The following BICRAL variants were observed in gnomAD, a reference collection of about 807,000 sequenced individuals.
BICRAL encodes the protein BICRA like chromatin remodeling complex associated protein, also known as BRD4-interacting chromatin-remodeling complex-associated protein-like.
A neutral mutation model predicts 91.8 loss-of-function variants in BICRAL; 8 were observed. That is an observed-to-expected ratio of 0.09 (90% confidence interval 0.05 to 0.16). The LOEUF (loss-of-function observed/expected upper bound fraction) is 0.16, where lower values mean the gene tolerates loss of function less well. Ranked by LOEUF, BICRAL falls within the 10% of genes least tolerant of loss-of-function variation. BICRAL has a pLI of 1.00. For synonymous variants in BICRAL, 445 were observed against 491.1 expected (o/e 0.91, Z 1.24); for missense variants, 1,038 against 1,310.9 (o/e 0.79, Z 3.21).
At chr6:42,754,599 G>A (rs1332054441) in intron 1 of BICRAL, among the ~76,000 whole-genome samples, 6 of 152,208 alleles carry the variant, frequency 3.9e-5, no homozygotes. Flanking sequence ...CATTTAAAAT[G>A]TGCTGATCAA....
rs577555432 is a variant in BICRAL at position 42,775,230 on chromosome 6, C to T, written c.-260-6609C>T. 2.0e-5 allele frequency among the ~76,000 whole-genome samples: 3 copies of T among 152,298 alleles called. No homozygotes were observed. The South Asian group carries it at 6.2e-4, about 32-fold the overall frequency. The stretch of plus-strand genomic sequence containing the variant: ...GATCACAGGCGTGAGCCACTGCGCC[C>T]GGCCAGAGTAGTTCCTTCTTCAGAT... On this transcript the variant is annotated intron_variant, in intron 1 of 14. Coordinates refer to the BICRAL transcript ENST00000614467.
At chr6:42,797,831 C>T (rs964146088) in intron 1 of BICRAL, among the ~76,000 whole-genome samples, 18 of 152,168 alleles carry the variant, frequency 1.2e-4, no homozygotes, top group Middle Eastern at 3.4e-3. Context: ...CAAAAATTAG[C>T]CGGGCATGGT....
chr6:42,796,967 C>T (rs1763429544), intron 1 of BICRAL, among the ~76,000 whole-genome samples: 1 of 151,120 alleles, frequency 6.6e-6, no homozygotes, highest in Non-Finnish European at 1.5e-5. Flanking sequence ...ATCACTTGAA[C>T]CCGGGAGGCA....
chr6:42,835,699 C>T (rs1266853424), intron 6 of BICRAL, among the ~76,000 whole-genome samples: 2 of 152,104 alleles, frequency 1.3e-5, no homozygotes, highest in Non-Finnish European at 1.5e-5. Flanking sequence ...TCCCAGCAAG[C>T]GAAGGGGGCA....
At position 42,828,983 on chromosome 6, in the gene BICRAL, G is replaced by C. The variant is rs1322808687; in HGVS notation, c.650G>C (p.Gly217Ala). ...ISGSGQIQLI[G>A]SFGNHPSMMT... ...GGTTCTGGTCAAATACAGTTAATTG[G>C]GTCATTTGGTAATCATCCTTCCATG... Residue 217 changes from glycine to alanine, a missense_variant, in exon 6 of 13, where the codon GGG becomes GCG. By Grantham distance (60) the Gly-to-Ala change is moderately conservative (BLOSUM62 0). Transcript: ENST00000314073. 1 of 1,613,992 alleles carries C rather than the reference G, an allele frequency of 6.2e-7. No individual in the cohort carries two copies. The highest frequency in any genetic ancestry group is 8.5e-7 in the Non-Finnish European group (1 of 1,179,946).
intron 6 of BICRAL, among the ~76,000 whole-genome samples, chr6:42,844,904 C>G (rs1764946740): frequency 1.3e-5 from 2 of 152,070 alleles, no homozygotes; most frequent in Admixed American, 6.6e-5. Flanking sequence ...GGAGGGACAC[C>G]TATTGTAGCA....
At chr6:42,855,999 A>G in intron 9 of BICRAL, 82 bp downstream of exon 9, 1 of 1,114,362 alleles carries the variant, frequency 9.0e-7, no homozygotes, top group East Asian at 2.4e-5. Flanking sequence ...CACAGAAAAC[A>G]GGTTATAATA....
In BICRAL at chr6:42,790,630, AGT is replaced by A. The variant is rs1347862414; in HGVS notation, c.-102+8531_-102+8532del. ...CAAATAGGCTAAACAATAACCGTAA[AGT>A]GAGATTAGAGAAAATAAGAATGGAG... is the stretch of plus-strand genomic sequence containing the variant. On this transcript the variant is annotated intron_variant, in intron 1 of 12. Coordinates refer to ENST00000314073, the MANE Select transcript of BICRAL (RefSeq NM_001393499.1). Among the ~76,000 whole-genome samples, 3 of 151,978 alleles carry A rather than the reference AGT, an allele frequency of 2.0e-5. No individual in the cohort carries two copies. The East Asian group carries it at 5.8e-4, about 29-fold the overall frequency.
chr6:42,772,665 C>T (rs1293774437), intron 1 of BICRAL, among the ~76,000 whole-genome samples: 1 of 152,086 alleles, frequency 6.6e-6, no homozygotes, highest in Non-Finnish European at 1.5e-5. Context: ...CATCCCTGGG[C>T]AGTGAGGCAG....
chr6:42,780,325 A>AT (rs112301315), upstream of BICRAL, among the ~76,000 whole-genome samples: 233 of 150,996 alleles, frequency 1.5e-3, no homozygotes, highest in Middle Eastern at 3.4e-3. Flanking sequence ...CTACCATTAC[A>AT]TTTTTTTTTA....
At chr6:42,854,285 ACCTCCCAGGCTCAGGTGAC>A (rs1433116178) in intron 8 of BICRAL, among the ~76,000 whole-genome samples, 1 of 152,030 alleles carries the variant, frequency 6.6e-6, no homozygotes, top group African/African-American at 2.4e-5. Flanking sequence ...TGCAGCCTTG[ACCTCCCAGGCTCAGGTGAC>A]CCTCCTGCCT....
chr6:42,828,545 G>A lies in BICRAL; in HGVS notation c.212G>A (p.Gly71Glu). ...LKGVSNQLGEGPSDGLPLSSS... is the reference protein window; with the variant it reads ...LKGVSNQLGEEPSDGLPLSSS... ...GGTGTAAGCAACCAGCTTGGAGAAG[G>A]GCCCAGTGATGGACTGCCACTTTCA... The change falls in exon 6 of 13, where the codon GGG (glycine) becomes GAG (glutamate). Residue 71 changes from glycine (G) to glutamate (E), a missense_variant. This residue lies in a region of BICRAL where 115 missense variants were observed against 121.5 expected (regional missense o/e 0.95). Coordinates refer to ENST00000314073, the MANE Select transcript of BICRAL (RefSeq NM_001393499.1). 2 of 1,613,712 alleles carry A rather than the reference G, an allele frequency of 1.2e-6. No individual in the cohort carries two copies. The highest frequency in any genetic ancestry group is 2.2e-5 in the East Asian group (1 of 44,870).
intron 6 of BICRAL, among the ~76,000 whole-genome samples, chr6:42,844,088 C>T (rs981693098): frequency 2.0e-5 from 3 of 149,520 alleles, no homozygotes; most frequent in Non-Finnish European, 4.4e-5. Flanking sequence ...AGACGTGAGC[C>T]ACCGCGCCTG....
intron 1 of BICRAL, among the ~76,000 whole-genome samples, chr6:42,801,174 C>A (rs1464751022): frequency 6.7e-5 from 10 of 150,080 alleles, no homozygotes; most frequent in African/African-American, 2.0e-4. Context: ...ATTGCTAGAA[C>A]CTGGAGGCAG....
chr6:42,814,519 A>ATATTTTTT (rs1237976324), intron 2 of BICRAL, among the ~76,000 whole-genome samples: 3 of 80,236 alleles, frequency 3.7e-5, no homozygotes, highest in Non-Finnish European at 6.3e-5. Flanking sequence ...ATATATATAT[A>ATATTTTTT]TTTTTTTTTT....
At chr6:42,825,225 A>G (rs2113947923) in intron 5 of BICRAL, among the ~76,000 whole-genome samples, 1 of 140,222 alleles carries the variant, frequency 7.1e-6, no homozygotes, top group African/African-American at 2.7e-5. Flanking sequence ...ACGCCACTGC[A>G]CTCCAGCCTG....
At chr6:42,771,848 A>G (rs949174082) in intron 1 of BICRAL, among the ~76,000 whole-genome samples, 9 of 151,092 alleles carry the variant, frequency 6.0e-5, no homozygotes, top group Non-Finnish European at 1.3e-4. Context: ...ATCAGAAAAG[A>G]AAAAAAAATT....
chr6:42,749,918 G>A (rs556042508), intron 1 of BICRAL, among the ~76,000 whole-genome samples: 1 of 150,386 alleles, frequency 6.6e-6, no homozygotes, highest in Admixed American at 6.6e-5. Flanking sequence ...GCAGTGGCAC[G>A]ATCTCAGCTC....
At chr6:42,793,243 A>G (rs1375176409) in intron 1 of BICRAL, among the ~76,000 whole-genome samples, 3 of 119,270 alleles carry the variant, frequency 2.5e-5, no homozygotes, top group African/African-American at 9.8e-5. Flanking sequence ...TCCCAGGTCC[A>G]TGCCATTCTC....
Sources: allele counts gnomAD v4.1 joint callset (sites outside exome capture counted in the v4.1 genomes callset), GRCh38; gene constraint gnomAD v4.1.1; regional missense constraint gnomAD v4.1.1; transcripts MANE v1.5; gene names NCBI Gene and HGNC (gene_info 2026-07-23, HGNC 2026-07-21).